Variants in PTPRG observed in about 807,000 individuals in gnomAD.
PTPRG encodes receptor-type tyrosine-protein phosphatase gamma.
In PTPRG, 102 loss-of-function variants were observed where a neutral mutation model predicts 165.3. That is an observed-to-expected ratio of 0.62 (90% CI 0.53 to 0.73). The LOEUF is 0.73. Ranked by LOEUF, PTPRG falls within the 30% of genes least tolerant of loss-of-function variation. PTPRG has a pLI of 0.00. For synonymous variants in PTPRG, 675 were observed against 669.5 expected (o/e 1.01, Z -0.13); for missense variants, 1,866 against 1,861.4 (o/e 1.00, Z -0.05).
intron 2 of PTPRG, among the ~76,000 whole-genome samples, chr3:61,846,753 A>G (rs2036817782): frequency 6.6e-6 from 1 of 152,180 alleles, no homozygotes; most frequent in South Asian, 2.1e-4. Context: ...CGTCTCTACT[A>G]AAAATAGAAA....
At chr3:61,826,534 A>T (rs1282459359) in intron 2 of PTPRG, among the ~76,000 whole-genome samples, 1 of 150,242 alleles carries the variant, frequency 6.7e-6, no homozygotes, top group African/African-American at 2.4e-5. Context: ...AAAAAAAAAA[A>T]TCCGATGTTT....
At chr3:62,201,399 T>G in intron 10 of PTPRG, 106 bp from the exon 11 acceptor site, 6 of 906,826 alleles carry the variant, frequency 6.6e-6, no homozygotes, top group Non-Finnish European at 9.8e-6. Context: ...AATAATATTT[T>G]GACATGTGAA....
chr3:61,812,600 C>T (rs1225152066), intron 2 of PTPRG, among the ~76,000 whole-genome samples: 1 of 152,188 alleles, frequency 6.6e-6, no homozygotes, highest in Non-Finnish European at 1.5e-5. Flanking sequence ...CAGATTCATC[C>T]TATCTAGGTT....
chr3:61,587,143 A>G (rs1486188105), intron 1 of PTPRG, among the ~76,000 whole-genome samples: 1 of 152,218 alleles, frequency 6.6e-6, no homozygotes, highest in Non-Finnish European at 1.5e-5. Flanking sequence ...ATATCTCCCT[A>G]CATTATTGTG....
chr3:62,159,228 G>T (rs1477603505), intron 7 of PTPRG, among the ~76,000 whole-genome samples: 1 of 152,070 alleles, frequency 6.6e-6, no homozygotes, highest in East Asian at 1.9e-4. Context: ...CTGCTTGGGA[G>T]GCTGAGGGGG....
intron 2 of PTPRG, among the ~76,000 whole-genome samples, chr3:61,839,554 T>G (rs1454650862): frequency 6.6e-6 from 1 of 152,184 alleles, no homozygotes; most frequent in Non-Finnish European, 1.5e-5. Flanking sequence ...TTGTCAGAGT[T>G]GGGACTTGAA....
intron 1 of PTPRG, among the ~76,000 whole-genome samples, chr3:61,615,497 C>G (rs1171498318): frequency 1.3e-5 from 2 of 152,206 alleles, no homozygotes; most frequent in Non-Finnish European, 2.9e-5. Flanking sequence ...TGTCCCATTG[C>G]TGGTGGTGTT....
At chr3:62,040,478 A>G (rs1018195510) in intron 4 of PTPRG, among the ~76,000 whole-genome samples, 1 of 152,234 alleles carries the variant, frequency 6.6e-6, no homozygotes, top group Non-Finnish European at 1.5e-5. Context: ...TTTTTAAGAC[A>G]GAGTCTTACT....
At chr3:61,595,119 T>C (rs568821975) in intron 1 of PTPRG, among the ~76,000 whole-genome samples, 1 of 152,212 alleles carries the variant, frequency 6.6e-6, no homozygotes, top group African/African-American at 2.4e-5. Context: ...ATGCTGCATG[T>C]GTCTGTATAA....
At chr3:61,679,803 C>CA (rs991286786) in intron 1 of PTPRG, among the ~76,000 whole-genome samples, 2 of 151,948 alleles carry the variant, frequency 1.3e-5, no homozygotes, top group African/African-American at 2.4e-5. Flanking sequence ...AACAGAAAAG[C>CA]AAAAAAACCC....
intron 1 of PTPRG, among the ~76,000 whole-genome samples, chr3:61,722,972 T>G (rs2032113981): frequency 6.6e-6 from 1 of 152,136 alleles, no homozygotes; most frequent in African/African-American, 2.4e-5. Context: ...TCGAGTGGGT[T>G]TCTCGGGGTG....
At chr3:61,812,767 A>G (rs2035625487) in intron 2 of PTPRG, among the ~76,000 whole-genome samples, 1 of 152,232 alleles carries the variant, frequency 6.6e-6, no homozygotes, top group African/African-American at 2.4e-5. Flanking sequence ...GCCAGCTCTC[A>G]GATAATTCTC....
intron 4 of PTPRG, among the ~76,000 whole-genome samples, chr3:62,043,486 T>G (rs1700189613): frequency 6.6e-6 from 1 of 152,248 alleles, no homozygotes; most frequent in South Asian, 2.1e-4. Context: ...GCGATCAGTT[T>G]AGAGCCCTTC....
Position 62,083,391 on chromosome 3 carries a change from G to A in PTPRG, c.615+5133G>A, listed in dbSNP as rs148705490. 1.5e-3 allele frequency among the ~76,000 whole-genome samples: 228 copies of A among 152,048 alleles called. 2 individuals carry two copies. The highest frequency in any genetic ancestry group is 0.014 in the South Asian group (66 of 4,806). ...GCTGGGATTACAGGCATGAGCCACC[G>A]TGCCCGGCTTTGCCATTACTTTTAA... is the stretch of plus-strand genomic sequence containing the variant. On this transcript the variant is annotated intron_variant, in intron 5 of 29. Transcript: ENST00000474889.
At chr3:62,033,022 T>C (rs946127016) in intron 4 of PTPRG, among the ~76,000 whole-genome samples, 2 of 152,194 alleles carry the variant, frequency 1.3e-5, no homozygotes, top group African/African-American at 4.8e-5. Flanking sequence ...AATCTCACAT[T>C]GGATGTTCAA....
At chr3:61,726,336 A>T (rs534550043) in intron 1 of PTPRG, among the ~76,000 whole-genome samples, 1 of 152,278 alleles carries the variant, frequency 6.6e-6, no homozygotes, top group East Asian at 1.9e-4. Context: ...CAGCATTGAT[A>T]GAGAGATGTA....
rs1021606038 is a variant in PTPRG, at chr3:62,245,955, T to C, written c.2467+2057T>C. Among the ~76,000 whole-genome samples the C allele has an allele frequency of 6.6e-6, 1 of 152,198 alleles. No homozygotes were observed. The highest frequency in any genetic ancestry group is 1.5e-5 in the Non-Finnish European group (1 of 68,022). On this transcript the variant is annotated intron_variant, in intron 15 of 29. Transcript: ENST00000474889. This position sits in a 1 kb window ranked among gnomAD's most constrained non-coding sequence, Gnocchi z 4.2. Reference sequence around the variant, plus strand: ...GCCTTGCAACACCTTTGAGTAGGTATATTAGACCAGAAATTGCTTTTGAAT... The same window carrying C: ...GCCTTGCAACACCTTTGAGTAGGTACATTAGACCAGAAATTGCTTTTGAAT...
intron 2 of PTPRG, among the ~76,000 whole-genome samples, chr3:61,905,828 G>T (rs1049641919): frequency 6.6e-6 from 1 of 152,184 alleles, no homozygotes; most frequent in Non-Finnish European, 1.5e-5. Flanking sequence ...CCCTTTGTCT[G>T]TGTCCATTTA....
chr3:61,747,116 C>G (rs373865694), intron 1 of PTPRG, among the ~76,000 whole-genome samples: 3 of 82,628 alleles, frequency 3.6e-5, no homozygotes, highest in African/African-American at 1.4e-4. Context: ...GAGCAAGACC[C>G]TGTTTCAAAA....
Sources: gnomAD v4.1 joint callset for allele counts (sites outside exome capture counted in the v4.1 genomes callset) on GRCh38, gnomAD v4.1.1 for gene constraint, Gnocchi (gnomAD v3.1) non-coding constraint, MANE v1.5 for transcripts, NCBI Gene and HGNC (gene_info 2026-07-23, HGNC 2026-07-21) for gene names.